KCNQ3: variants seen among roughly 807,000 people sequenced by gnomAD.
KCNQ3 encodes the protein potassium voltage-gated channel subfamily Q member 3.
In KCNQ3, 30 loss-of-function variants were observed where a neutral mutation model predicts 92.5. The observed-to-expected ratio is 0.32, with a 90% CI of 0.24 to 0.44. KCNQ3 has a LOEUF of 0.44. KCNQ3 is among the 20% of genes least tolerant of loss of function. KCNQ3 has a pLI of 1.00. For synonymous variants in KCNQ3, 450 were observed against 468.8 expected (o/e 0.96, Z 0.52); for missense variants, 913 against 1,140.3 (o/e 0.80, Z 2.87).
chr8:132,321,579 T>G (rs1025685619), intron 1 of KCNQ3: 1 of 152,344 alleles, frequency 6.6e-6, no homozygotes, highest in Admixed American at 6.5e-5. Context: ...CCAAGCATAC[T>G]GGGTCATTTC....
rs181780766 is a variant in KCNQ3, at chr8:132,283,439, A to T, written c.387-97258T>A. ...TTTCTCTCAACAGGAAACACACTCA[A>T]AGGAAAGACCAGCATACTCAAGTGA... is the stretch of plus-strand genomic sequence containing the variant. On this transcript the variant is annotated intron_variant, in intron 1 of 14. Transcript: ENST00000388996. 2.2e-3 allele frequency among the ~76,000 whole-genome samples: 336 copies of T among 152,308 alleles called. 2 individuals carry two copies. The highest frequency in any genetic ancestry group is 7.9e-3 in the African/African-American group (330 of 41,574).
At chr8:132,181,808 C>T (rs1259785616) in intron 3 of KCNQ3, among the ~76,000 whole-genome samples, 1 of 152,116 alleles carries the variant, frequency 6.6e-6, no homozygotes, top group Admixed American at 6.5e-5. Context: ...AATCCCAGCA[C>T]TTTGGGAGGC....
At chr8:132,192,853 G>A (rs1827199840) in intron 1 of KCNQ3, among the ~76,000 whole-genome samples, 1 of 152,106 alleles carries the variant, frequency 6.6e-6, no homozygotes, top group South Asian at 2.1e-4. Flanking sequence ...CACCATTTTG[G>A]TCAGGCTGGT....
intron 1 of KCNQ3, among the ~76,000 whole-genome samples, chr8:132,399,237 C>T (rs79474322): frequency 1.3e-5 from 2 of 152,180 alleles, no homozygotes; most frequent in African/African-American, 4.8e-5. Flanking sequence ...AGAAATAGCT[C>T]TCACCTCTGT....
intron 1 of KCNQ3, among the ~76,000 whole-genome samples, chr8:132,222,709 C>T (rs1814277664): frequency 6.6e-6 from 1 of 152,170 alleles, no homozygotes; most frequent in Non-Finnish European, 1.5e-5. Context: ...ACTGAACATT[C>T]CAGTATCTAG....
At chr8:132,317,891 G>A (rs16904656) in intron 1 of KCNQ3, among the ~76,000 whole-genome samples, 3 of 152,010 alleles carry the variant, frequency 2.0e-5, no homozygotes, top group East Asian at 1.9e-4. Context: ...AAATGGAGAC[G>A]GGCCTGAGGT....
At chr8:132,274,404 C>T (rs1024680797) in intron 1 of KCNQ3, among the ~76,000 whole-genome samples, 5 of 152,174 alleles carry the variant, frequency 3.3e-5, no homozygotes, top group Non-Finnish European at 5.9e-5. Flanking sequence ...CTGGGTCCCT[C>T]ACACGACACG....
chr8:132,171,895 C>T (rs1230718673), intron 7 of KCNQ3, among the ~76,000 whole-genome samples: 2 of 152,108 alleles, frequency 1.3e-5, no homozygotes, highest in Non-Finnish European at 2.9e-5. Context: ...ACAACTCATG[C>T]CTATAATCCC....
At chr8:132,449,960 A>G (rs1406655545) in intron 1 of KCNQ3, among the ~76,000 whole-genome samples, 1 of 152,184 alleles carries the variant, frequency 6.6e-6, no homozygotes, top group Non-Finnish European at 1.5e-5. Flanking sequence ...CTGTGTCCAG[A>G]GTTGGTGCCT....
At chr8:132,222,585 A>G (rs758410476) in intron 1 of KCNQ3, among the ~76,000 whole-genome samples, 4 of 152,204 alleles carry the variant, frequency 2.6e-5, no homozygotes, top group Admixed American at 6.5e-5. Context: ...GGAGATTCTA[A>G]GAGGAGCCAA....
At chr8:132,396,735 A>T (rs1198408973) in intron 1 of KCNQ3, among the ~76,000 whole-genome samples, 1 of 152,136 alleles carries the variant, frequency 6.6e-6, no homozygotes, top group Non-Finnish European at 1.5e-5. Flanking sequence ...CGTCATTAAG[A>T]TCCCAAATCA....
At chr8:132,197,013 ATT>A (rs200485313) in intron 1 of KCNQ3, among the ~76,000 whole-genome samples, 40 of 138,956 alleles carry the variant, frequency 2.9e-4, no homozygotes, top group South Asian at 2.4e-4. Context: ...TGTCTCATGG[ATT>A]TTTTTTTTTT....
At chr8:132,266,325 G>A (rs1424966109) in intron 1 of KCNQ3, among the ~76,000 whole-genome samples, 1 of 152,138 alleles carries the variant, frequency 6.6e-6, no homozygotes, top group Admixed American at 6.5e-5. Flanking sequence ...AGGGAGATGT[G>A]GGTAGGGGAC....
chr8:132,480,461 CCCGCCGCCTCCGCCGCCCCCGTCGCCG>C lies in KCNQ3; in HGVS notation c.45_71del (p.Gly16_Gly24del). 7.8e-7 allele frequency: 1 copy of C among 1,274,506 alleles called. No homozygotes were observed. The highest frequency in any genetic ancestry group is 3.1e-5 in the South Asian group (1 of 32,312). The allele number at this position is 1,274,506 out of a possible 1,614,324, so 78.9% of individuals were successfully genotyped here. A position where few individuals can be genotyped will look rare whatever the true frequency, so the allele number is the denominator to read the frequency against. On this transcript the variant is annotated inframe_deletion, in exon 1 of 15. Coordinates refer to ENST00000388996, the MANE Select transcript of KCNQ3 (RefSeq NM_004519.4). ...CGTCCCCTCCGGCTGGGTTAGCCGC[CCCGCCGCCTCCGCCGCCCCCGTCGCCG>C]CCGCCGCCAGCCGCCCCCGCCGCCC...
chr8:132,379,488 A>T (rs1368428153), intron 1 of KCNQ3, among the ~76,000 whole-genome samples: 1 of 152,146 alleles, frequency 6.6e-6, no homozygotes, highest in Non-Finnish European at 1.5e-5. Context: ...TATTTTCTGT[A>T]CATAACATGC....
At chr8:132,154,431 C>T (rs972550750) in intron 9 of KCNQ3, among the ~76,000 whole-genome samples, 1 of 151,948 alleles carries the variant, frequency 6.6e-6, no homozygotes, top group African/African-American at 2.4e-5. Flanking sequence ...TTGGATAGGC[C>T]CCTGAGGGCA....
chr8:132,217,474 G>A (rs932181463), intron 1 of KCNQ3, among the ~76,000 whole-genome samples: 13 of 152,118 alleles, frequency 8.5e-5, no homozygotes, highest in Admixed American at 2.6e-4. Flanking sequence ...ACTTTGGGAG[G>A]CCGAGGTGGG....
chr8:132,138,151 T>G (rs896714038), intron 11 of KCNQ3, 135 bp from the exon 12 acceptor site: 17 of 1,006,658 alleles, frequency 1.7e-5, no homozygotes, highest in Non-Finnish European at 2.4e-5. Flanking sequence ...ACTTCCAACG[T>G]TTGGTTCTGG....
chr8:132,449,145 C>T lies in KCNQ3; in HGVS notation c.386+31002G>A, dbSNP rs140410123. On this transcript the variant is annotated intron_variant, in intron 1 of 14. Transcript: ENST00000388996. ...TTGTAGCCATTCAGTGGGTTAGAGC[C>T]CCATGTGTACCTCCTAGCACAAGGC... Among the ~76,000 whole-genome samples the T allele has an allele frequency of 3.0e-3, 453 of 152,204 alleles. 6 individuals are homozygous for T. The highest frequency in any genetic ancestry group is 0.01 in the African/African-American group (431 of 41,538).
Sources: gnomAD v4.1 joint callset for allele counts (sites outside exome capture counted in the v4.1 genomes callset) on GRCh38, gnomAD v4.1.1 for gene constraint, MANE v1.5 for transcripts, NCBI Gene and HGNC (gene_info 2026-07-23, HGNC 2026-07-21) for gene names.